The following LGSN variants were observed in gnomAD, a reference collection of about 807,000 sequenced individuals.
The protein encoded by LGSN is lengsin.
Under a neutral mutation model 19.5 loss-of-function variants are expected in LGSN, and 21 were observed. The observed-to-expected ratio is 1.07, with a 90% confidence interval of 0.76 to 1.55. The LOEUF is 1.55. Among genes scored for constraint, LGSN ranks in the 40% most tolerant of loss-of-function variants. LGSN has a pLI of 0.00. For missense variants in LGSN, 673 were observed against 608.5 expected (o/e 1.11, Z -1.12); for synonymous variants, 257 against 215.6 (o/e 1.19, Z -1.68).
At chr6:63,415,754 C>T in the LGSN span, among the ~76,000 whole-genome samples, 2 of 152,218 alleles carry the variant, frequency 1.3e-5, no homozygotes, top group African/African-American at 4.8e-5. Flanking sequence ...AAGAGCTTCT[C>T]CAATCATTAT....
chr6:63,507,942 CA>C, the LGSN span, among the ~76,000 whole-genome samples: 1 of 151,144 alleles, frequency 6.6e-6, no homozygotes, highest in African/African-American at 2.4e-5. Context: ...GCCCAAGAGA[CA>C]AAAAAAAGCA....
intron 3 of LGSN, among the ~76,000 whole-genome samples, chr6:63,283,559 CTT>C (rs1289500296): frequency 6.7e-6 from 1 of 149,696 alleles, no homozygotes; most frequent in Non-Finnish European, 1.5e-5. Flanking sequence ...GGTTGTAAGA[CTT>C]AAACCTTAAA....
the LGSN span, among the ~76,000 whole-genome samples, chr6:63,460,465 A>G: frequency 2.0e-5 from 3 of 152,180 alleles, no homozygotes; most frequent in Admixed American, 6.5e-5. Flanking sequence ...TGAAAAACTA[A>G]AAGAAAATTT....
At chr6:63,434,660 G>A in the LGSN span, among the ~76,000 whole-genome samples, 1 of 148,142 alleles carries the variant, frequency 6.8e-6, no homozygotes, top group African/African-American at 2.5e-5. Flanking sequence ...TTAGCAGAGA[G>A]ACAAAACTAA....
chr6:63,476,764 T>C, the LGSN span, among the ~76,000 whole-genome samples: 1 of 152,218 alleles, frequency 6.6e-6, no homozygotes, highest in African/African-American at 2.4e-5. Context: ...CTCAGTGATA[T>C]TGGCACTGAA....
the LGSN span, among the ~76,000 whole-genome samples, chr6:63,371,238 G>C: frequency 1.3e-5 from 2 of 152,148 alleles, no homozygotes; most frequent in Non-Finnish European, 2.9e-5. Context: ...CTCTTCTAAT[G>C]CTTTCTATTT....
the LGSN span, among the ~76,000 whole-genome samples, chr6:63,496,918 T>C: frequency 6.6e-6 from 1 of 152,130 alleles, no homozygotes. Context: ...CCAAAGATAG[T>C]CTGAGCAACC....
the LGSN span, among the ~76,000 whole-genome samples, chr6:63,508,817 G>A: frequency 1.3e-5 from 2 of 151,392 alleles, no homozygotes; most frequent in Admixed American, 1.3e-4. Flanking sequence ...TACTCAGGAG[G>A]CTGAGGCAGG....
intron 2 of LGSN, among the ~76,000 whole-genome samples, chr6:63,291,332 G>A (rs1223670407): frequency 6.6e-6 from 1 of 152,140 alleles, no homozygotes; most frequent in African/African-American, 2.4e-5. Flanking sequence ...CCGGAGTCCA[G>A]GAAGAAACAG....
At chr6:63,298,908 T>G (rs1262538026) in intron 1 of LGSN, among the ~76,000 whole-genome samples, 1 of 152,192 alleles carries the variant, frequency 6.6e-6, no homozygotes, top group Non-Finnish European at 1.5e-5. Context: ...AACAAAAAGC[T>G]TAAGCAACTA....
the LGSN span, among the ~76,000 whole-genome samples, chr6:63,459,896 C>CA: frequency 6.6e-6 from 1 of 151,944 alleles, no homozygotes; most frequent in East Asian, 1.9e-4. Context: ...AACTCCATCT[C>CA]AAAAAATAAA....
At chr6:63,313,513 T>C (rs542274741) in intron 1 of LGSN, among the ~76,000 whole-genome samples, 56 of 152,086 alleles carry the variant, frequency 3.7e-4, no homozygotes, top group Admixed American at 1.6e-3. Flanking sequence ...TTACGTTGCT[T>C]TTAGGTAGAG....
the LGSN span, among the ~76,000 whole-genome samples, chr6:63,510,061 G>A: frequency 6.6e-6 from 1 of 152,032 alleles, no homozygotes. Flanking sequence ...ATTAATATTG[G>A]GGCAAGTTTA....
chr6:63,559,934 G>A, the LGSN span, among the ~76,000 whole-genome samples: 3 of 151,976 alleles, frequency 2.0e-5, no homozygotes, highest in East Asian at 5.8e-4. Flanking sequence ...GCCAGATGGT[G>A]TTTTTTCGTG....
chr6:63,488,293 C>G, the LGSN span, among the ~76,000 whole-genome samples: 27 of 152,184 alleles, frequency 1.8e-4, no homozygotes, highest in African/African-American at 5.5e-4. Flanking sequence ...ATTCTCATAA[C>G]TGCTTTATTA....
the LGSN span, among the ~76,000 whole-genome samples, chr6:63,402,284 T>C: frequency 6.6e-6 from 1 of 152,184 alleles, no homozygotes; most frequent in Non-Finnish European, 1.5e-5. Flanking sequence ...AGAAGCAAGC[T>C]TGGAGAAAAT....
rs1767284100 is a variant in LGSN at position 63,280,939 on chromosome 6, A to G, written c.612T>C (p.Ser204=). The G allele has an allele frequency of 1.2e-6, 2 of 1,614,064 alleles. No individual in the cohort carries two copies. The highest frequency in any genetic ancestry group is 2.7e-5 in the African/African-American group (2 of 74,940). ...AAATGCAAAAATCATAGATGAAAGC[A>G]GAAAGCAGGGAAAAGCCAGAGGCCT... ...HLQASGFSLL[S]AFIYDFCIFG... Residue 204 remains serine, a synonymous_variant, in exon 4 of 4, where the codon TCT becomes TCC. Transcript: ENST00000370657.
At chr6:63,347,567 T>C in the LGSN span, among the ~76,000 whole-genome samples, 1 of 152,220 alleles carries the variant, frequency 6.6e-6, no homozygotes, top group African/African-American at 2.4e-5. Flanking sequence ...CATTCATTCT[T>C]TCATTCATTC....
chr6:63,311,127 T>C (rs749594544), intron 1 of LGSN, among the ~76,000 whole-genome samples: 3 of 152,208 alleles, frequency 2.0e-5, no homozygotes, highest in Non-Finnish European at 4.4e-5. Flanking sequence ...TTCAGGATCA[T>C]ACTGGTAAAG....
Sources: allele counts gnomAD v4.1 joint callset (sites outside exome capture counted in the v4.1 genomes callset), GRCh38; gene constraint gnomAD v4.1.1; transcripts MANE v1.5; gene names NCBI Gene and HGNC (gene_info 2026-07-23, HGNC 2026-07-21).